Variants in ACOXL observed in about 807,000 individuals in gnomAD.
The protein encoded by ACOXL is acyl-CoA oxidase like.
A neutral mutation model predicts 71.9 loss-of-function variants in ACOXL; 70 were observed. That is an observed-to-expected ratio of 0.97 (90% CI 0.80 to 1.19). The LOEUF is 1.19. Among genes scored for constraint, ACOXL ranks in the 50% most tolerant of loss-of-function variants. The pLI is 0.00. For missense variants in ACOXL, 703 were observed against 736.3 expected, an observed-to-expected ratio of 0.95 and a Z score of 0.52; for synonymous variants, 253 against 281.6, an observed-to-expected ratio of 0.90 and a Z score of 1.02.
In ACOXL at chr2:111,047,949, T is replaced by C. The variant is rs7575340; in HGVS notation, c.1370-1269T>C. Among the ~76,000 whole-genome samples, 1,134 of 152,324 alleles carry C rather than the reference T, an allele frequency of 7.4e-3. 9 individuals carry two copies. Among genetic ancestry groups the C allele is most frequent in the African/African-American group, 0.026 (1,095 of 41,560 alleles). On this transcript the variant is annotated intron_variant, in intron 15 of 17. Transcript: ENST00000439055. ...TGGCATGGAGTAATTTAGTCAGAGA[T>C]GAAAGCAGTCTAAGGAATTCTATTT...
At chr2:110,805,164 C>T (rs976363535) in intron 8 of ACOXL, 99 bp from the exon 9 acceptor site, 29 of 1,476,264 alleles carry the variant, frequency 2.0e-5, no homozygotes, top group African/African-American at 9.8e-5. Context: ...TGGGGAAATC[C>T]GAGTGCTTCC....
At chr2:111,032,223 C>T (rs972946053) in intron 15 of ACOXL, among the ~76,000 whole-genome samples, 2 of 152,108 alleles carry the variant, frequency 1.3e-5, no homozygotes, top group African/African-American at 2.4e-5. Flanking sequence ...AATTTTGCAA[C>T]GTTTGGATGT....
At chr2:110,847,680 G>A (rs1489161247) in intron 10 of ACOXL, among the ~76,000 whole-genome samples, 3 of 152,126 alleles carry the variant, frequency 2.0e-5, no homozygotes, top group Non-Finnish European at 4.4e-5. Context: ...TCCTGTTCAG[G>A]CCTGTGCCCA....
intron 12 of ACOXL, among the ~76,000 whole-genome samples, chr2:110,938,669 CACAG>C (rs985004780): frequency 4.6e-5 from 7 of 152,178 alleles, no homozygotes; most frequent in Admixed American, 4.6e-4. Flanking sequence ...GACTGATGTG[CACAG>C]ACATTGAATG....
At chr2:111,105,272 C>A (rs1166383823) in intron 17 of ACOXL, among the ~76,000 whole-genome samples, 1 of 151,996 alleles carries the variant, frequency 6.6e-6, no homozygotes, top group African/African-American at 2.4e-5. Flanking sequence ...AGTTTGATTC[C>A]ACCTCTTTAT....
intron 15 of ACOXL, among the ~76,000 whole-genome samples, chr2:111,039,496 G>C (rs767297572): frequency 2.2e-4 from 34 of 152,136 alleles, no homozygotes; most frequent in Non-Finnish European, 4.3e-4. Context: ...AATGTTAGAG[G>C]GGGAATATGT....
intron 14 of ACOXL, among the ~76,000 whole-genome samples, chr2:111,019,732 G>A (rs1185071746): frequency 6.6e-6 from 1 of 152,218 alleles, no homozygotes; most frequent in Non-Finnish European, 1.5e-5. Flanking sequence ...GGAAGACAGC[G>A]TGCGTGAAAG....
chr2:110,889,470 C>G (rs1057403129), intron 10 of ACOXL, among the ~76,000 whole-genome samples: 15 of 152,070 alleles, frequency 9.9e-5, no homozygotes, highest in African/African-American at 3.4e-4. Flanking sequence ...TGAAAGAAAC[C>G]CTGTATTCTT....
chr2:111,104,111 G>A lies in ACOXL; in HGVS notation c.1542+11145G>A, dbSNP rs937637603. On this transcript the variant is annotated intron_variant, in intron 17 of 17. Coordinates refer to ENST00000439055, the MANE Select transcript of ACOXL (RefSeq NM_001142807.4). ...ACCTTTGGAATTGGCTTTTTTCACCGAGCATAATTTTCTGAAGATTCATCC... is the reference window on the plus strand; with the variant it reads ...ACCTTTGGAATTGGCTTTTTTCACCAAGCATAATTTTCTGAAGATTCATCC... Among the ~76,000 whole-genome samples the A allele has an allele frequency of 7.2e-5, 11 of 151,984 alleles. 1 individual carries two copies. Among genetic ancestry groups the A allele is most frequent in the African/African-American group, 2.7e-4 (11 of 41,354 alleles).
At chr2:111,028,416 A>G (rs2065113243) in intron 14 of ACOXL, among the ~76,000 whole-genome samples, 1 of 151,778 alleles carries the variant, frequency 6.6e-6, no homozygotes, top group Non-Finnish European at 1.5e-5. Context: ...TCGGCCTCCC[A>G]AAGTGCTGGG....
chr2:111,031,628 T>C lies in ACOXL; in HGVS notation c.1283T>C (p.Val428Ala), dbSNP rs759297115. The C allele has an allele frequency of 4.3e-6, 7 of 1,613,938 alleles. No individual in the cohort carries two copies. Among genetic ancestry groups the C allele is most frequent in the Non-Finnish European group, 5.9e-6 (7 of 1,179,958 alleles). The change falls in exon 15 of 18, where the codon GTA (valine) becomes GCA (alanine). Residue 428 changes from valine (V) to alanine (A), a missense_variant and splice_region_variant. Val to Ala is a moderately conservative substitution (Grantham distance 64). Coordinates refer to ENST00000439055, the MANE Select transcript of ACOXL (RefSeq NM_001142807.4). ...ATTTTTCTTCTGTCGATTGGACAGGTAAAGACCAAGAAGGAGGATTTTTTC... is the reference window on the plus strand; with the variant it reads ...ATTTTTCTTCTGTCGATTGGACAGGCAAAGACCAAGAAGGAGGATTTTTTC... ...RGLVARIYYK[V>A]KTKKEDFFHA...
chr2:110,847,661 A>C (rs13396472), intron 10 of ACOXL, among the ~76,000 whole-genome samples: 28,918 of 152,194 alleles, frequency 0.19, 2,757 homozygotes, highest in South Asian at 0.23. Flanking sequence ...AGAAAGGCTA[A>C]ATCTGGCATC....
Position 111,044,899 on chromosome 2 carries a change from A to G in ACOXL, c.1370-4319A>G, listed in dbSNP as rs536439741. Among the ~76,000 whole-genome samples, 4 of 152,236 alleles carry G rather than the reference A, an allele frequency of 2.6e-5. No individual in the cohort carries two copies. In the South Asian group the frequency reaches 6.2e-4, roughly 24 times the overall value. ...CAAATGACCATTGTTTACTTGAATC[A>G]GGTGTTTATTTCCCTATGCTTCCTC... On this transcript the variant is annotated intron_variant, in intron 15 of 17. Coordinates refer to ENST00000439055, the MANE Select transcript of ACOXL (RefSeq NM_001142807.4).
chr2:110,799,344 T>C (rs944472111), intron 7 of ACOXL, among the ~76,000 whole-genome samples: 6 of 152,236 alleles, frequency 3.9e-5, no homozygotes, highest in African/African-American at 1.4e-4. Context: ...AATTTTCCAG[T>C]AATGAGGTAG....
intron 10 of ACOXL, among the ~76,000 whole-genome samples, chr2:110,889,254 A>T (rs1159724338): frequency 2.0e-5 from 3 of 152,228 alleles, no homozygotes; most frequent in Non-Finnish European, 4.4e-5. Flanking sequence ...GTGCCTCATC[A>T]GTAGCAGCAA....
chr2:110,958,845 C>G (rs1255566408), intron 12 of ACOXL, among the ~76,000 whole-genome samples: 1 of 152,246 alleles, frequency 6.6e-6, no homozygotes, highest in Non-Finnish European at 1.5e-5. Context: ...TCTCATCTGT[C>G]AGCTGTTGGA....
At chr2:111,088,158 T>C (rs553969410) in intron 16 of ACOXL, among the ~76,000 whole-genome samples, 2 of 152,308 alleles carry the variant, frequency 1.3e-5, no homozygotes, top group South Asian at 4.1e-4. Flanking sequence ...GCTGGCAAGG[T>C]TGCAGAGAAA....
chr2:110,828,816 A>G (rs1343100838), intron 9 of ACOXL, among the ~76,000 whole-genome samples: 1 of 145,298 alleles, frequency 6.9e-6, no homozygotes, highest in African/African-American at 2.5e-5. Context: ...CTATCTTGCT[A>G]TTTTTTTTTT....
intron 17 of ACOXL, among the ~76,000 whole-genome samples, chr2:111,097,393 T>C (rs2068863699): frequency 6.6e-6 from 1 of 152,200 alleles, no homozygotes; most frequent in Non-Finnish European, 1.5e-5. Flanking sequence ...GTAACACAGC[T>C]AGCAAAAACT....
Sources: gnomAD v4.1 joint callset for allele counts (sites outside exome capture counted in the v4.1 genomes callset) on GRCh38, gnomAD v4.1.1 for gene constraint, MANE v1.5 for transcripts, NCBI Gene and HGNC (gene_info 2026-07-23, HGNC 2026-07-21) for gene names.